The following SMIM10L2B variants were observed in gnomAD, a reference collection of about 807,000 sequenced individuals.
The protein encoded by SMIM10L2B is small integral membrane protein 10 like 2B, also known as small integral membrane protein 10-like protein 2B.
For missense variants in SMIM10L2B, 40 were observed against 58.7 expected, an observed-to-expected ratio of 0.68 and a Z score of 1.04; for synonymous variants, 28 against 30.0, an observed-to-expected ratio of 0.93 and a Z score of 0.22.
intron 1 of SMIM10L2B, among the ~76,000 whole-genome samples, chrX:135,097,337 C>T (rs1211272635): frequency 8.9e-6 from 1 of 112,707 alleles, no homozygotes; most frequent in Admixed American, 9.3e-5. Flanking sequence ...GGATGGGACT[C>T]TGGCCCTGGG....
intron 1 of SMIM10L2B, among the ~76,000 whole-genome samples, chrX:135,097,571 C>A (rs1228676701): frequency 8.9e-6 from 1 of 112,102 alleles, no homozygotes; most frequent in Non-Finnish European, 1.9e-5. Flanking sequence ...GGCAGTTTTG[C>A]CAAGGGCTGT....
intron 1 of SMIM10L2B, 140 bp downstream of exon 1, chrX:135,097,893 C>T (rs1473379518): frequency 1.8e-5 from 2 of 112,368 alleles, no homozygotes; most frequent in African/African-American, 6.5e-5. Flanking sequence ...GGCTGCCTTT[C>T]CTTTCCCCAC....
At chrX:135,097,365 G>T (rs2083450449) in intron 1 of SMIM10L2B, among the ~76,000 whole-genome samples, 1 of 112,564 alleles carries the variant, frequency 8.9e-6, no homozygotes, top group Non-Finnish European at 1.9e-5. Flanking sequence ...TGCTAGCTAC[G>T]GTCCTTAGGG....
At position 135,098,640 on chromosome X, in the gene SMIM10L2B, GGGCCCCGCGCA is replaced by G; in HGVS notation, c.-18_-8del. 1.4e-5 allele frequency: 5 copies of G among 349,139 alleles called. No individual in the cohort carries two copies. The highest frequency in any genetic ancestry group is 2.3e-5 in the Non-Finnish European group (5 of 220,412). The allele number at this position is 349,139 out of a possible 1,213,427, so 28.8% of individuals were successfully genotyped here. A position where few individuals can be genotyped will look rare whatever the true frequency, so the allele number is the denominator to read the frequency against. ...GAGCCGCCGACGCCGCCATGGGCCC[GGGCCCCGCGCA>G]GGCCCCGCCGACCGATCGACCCGCA... On this transcript the variant is annotated 5_prime_UTR_variant, in exon 1 of 2. Transcript: ENST00000433425.
rs782265658 is a variant in SMIM10L2B, at chrX:135,097,524, G to C, written c.*365-403C>G. ...GAACACGACGGACAGCAGGAGCAGG[G>C]AGAGACCAGTCCTCTGGCCCCAAAG... On this transcript the variant is annotated intron_variant, in intron 1 of 1. Coordinates refer to ENST00000433425, the MANE Select transcript of SMIM10L2B (RefSeq NM_001348255.2). Among the ~76,000 whole-genome samples the C allele has an allele frequency of 7.1e-5, 8 of 112,261 alleles. No homozygotes were observed. The East Asian group carries it at 8.4e-4, about 12-fold the overall frequency.
chrX:135,098,403 G>T lies in SMIM10L2B; in HGVS notation c.231C>A (p.Ile77=). The change falls in exon 1 of 2, where the codon ATC becomes ATA. Residue 77 remains isoleucine, a synonymous_variant. Transcript: ENST00000433425. ...VMLNVRLQVR[I]E is the part of the protein sequence containing the mutation. ...CCGCCGCCGCCGCCGGCGCTCACTC[G>T]ATCCGCACTTGCAGGCGGACGTTGA... 3.0e-6 allele frequency: 2 copies of T among 659,148 alleles called. No individual in the cohort carries two copies. The highest frequency in any genetic ancestry group is 4.3e-6 in the Non-Finnish European group (2 of 468,273). 54.3% of individuals were successfully genotyped at this position (659,148 alleles called of 1,213,427 possible).
rs2083454433 is a variant in SMIM10L2B, at chrX:135,098,153, A to G, written c.*244T>C. The G allele has an allele frequency of 4.4e-6, 1 of 225,895 alleles. No homozygotes were observed. The highest frequency in any genetic ancestry group is 7.2e-5 in the East Asian group (1 of 13,871). 18.6% of individuals were successfully genotyped at this position (225,895 alleles called of 1,213,427 possible). A position where few individuals can be genotyped will look rare whatever the true frequency, so the allele number is the denominator to read the frequency against. On this transcript the variant is annotated 3_prime_UTR_variant, in exon 1 of 2. Coordinates refer to ENST00000433425, the MANE Select transcript of SMIM10L2B (RefSeq NM_001348255.2). ...GAGCTCAGGTAGTTTCTGGAGCCCA[A>G]TTGTAGGGGCCTGTTCAGTGCATTT...
In SMIM10L2B at chrX:135,096,277, A is replaced by T. The variant is rs1476968349; in HGVS notation, c.*1209T>A. ...GAGATTCTCCTGTGTGATCCTGGGG[A>T]TGGCGGGGGGGTCGAGCTTGAGGAG... On this transcript the variant is annotated 3_prime_UTR_variant, in exon 2 of 2. Coordinates refer to ENST00000433425, the MANE Select transcript of SMIM10L2B (RefSeq NM_001348255.2). 7 of 110,369 alleles carry T rather than the reference A, an allele frequency of 6.3e-5. No homozygotes were observed. Among genetic ancestry groups the T allele is most frequent in the Non-Finnish European group, 1.1e-4 (6 of 52,834 alleles). 9.1% of individuals were successfully genotyped at this position (110,369 alleles called of 1,213,427 possible).
In SMIM10L2B at chrX:135,096,378, G is replaced by A. The variant is rs554103748; in HGVS notation, c.*1108C>T. The A allele has an allele frequency of 3.6e-5, 4 of 110,520 alleles. No individual in the cohort carries two copies. Among genetic ancestry groups the A allele is most frequent in the East Asian group, 5.8e-4 (2 of 3,464 alleles). 9.1% of individuals were successfully genotyped at this position (110,520 alleles called of 1,213,427 possible). On this transcript the variant is annotated 3_prime_UTR_variant, in exon 2 of 2. Coordinates refer to ENST00000433425, the MANE Select transcript of SMIM10L2B (RefSeq NM_001348255.2). ...ATCCCTTCACCCTCCTGGTTATGTC[G>A]TGTCTCCAGGAGCCATGACACCACC...
At position 135,098,550 on chromosome X, in the gene SMIM10L2B, C is replaced by A; in HGVS notation, c.84G>T (p.Ala28=). Reference sequence around the variant, plus strand: ...AGAAGGCGCCGTATGAGCCTCGGGCCGCCGCCGAGCGCGACAGCCGAACCG... The same window carrying A: ...AGAAGGCGCCGTATGAGCCTCGGGCAGCCGCCGAGCGCGACAGCCGAACCG... The part of the protein sequence containing the change: ...GLAVRLSRSA[A]ARGSYGAFCK... The change falls in exon 1 of 2, where the codon GCG becomes GCT. Residue 28 remains alanine (A), a synonymous_variant. Coordinates refer to ENST00000433425, the MANE Select transcript of SMIM10L2B (RefSeq NM_001348255.2). 1 of 904,410 alleles carries A rather than the reference C, an allele frequency of 1.1e-6. No homozygotes were observed. Among genetic ancestry groups the A allele is most frequent in the Non-Finnish European group, 1.5e-6 (1 of 681,733 alleles). 74.5% of individuals were successfully genotyped at this position (904,410 alleles called of 1,213,427 possible).
At chrX:135,097,430 A>C (rs1259380799) in intron 1 of SMIM10L2B, among the ~76,000 whole-genome samples, 1 of 111,647 alleles carries the variant, frequency 9.0e-6, no homozygotes, top group African/African-American at 3.3e-5. Context: ...GACGGTAGGA[A>C]TGCGTCTCTC....
rs1167842528 is a variant in SMIM10L2B, at chrX:135,098,240, C to T, written c.*157G>A. The T allele has an allele frequency of 1.1e-4, 28 of 265,094 alleles. No homozygotes were observed. The highest frequency in any genetic ancestry group is 6.8e-4 in the African/African-American group (24 of 35,262). 21.8% of individuals were successfully genotyped at this position (265,094 alleles called of 1,213,427 possible). The stretch of plus-strand genomic sequence containing the variant: ...AGGGCCAGGGCTGGGCCTTCGTGCC[C>T]GGGCGGCGTAGGTCTAGAGTCCAGG... On this transcript the variant is annotated 3_prime_UTR_variant, in exon 1 of 2. Transcript: ENST00000433425.
chrX:135,097,682 G>T (rs1214961015), intron 1 of SMIM10L2B, among the ~76,000 whole-genome samples: 2 of 112,300 alleles, frequency 1.8e-5, no homozygotes, highest in Non-Finnish European at 3.8e-5. Flanking sequence ...CCGACTGGTG[G>T]GGAAGAGAAG....
rs1419298836 is a variant in SMIM10L2B, at chrX:135,095,481, C to T, written c.*2005G>A. On this transcript the variant is annotated 3_prime_UTR_variant, in exon 2 of 2. Transcript: ENST00000433425. ...CTGAGGGTAGGGACCCCTGCAGCTC[C>T]GACACACATTTCTCCCAGTAGGGAA... 3 of 111,731 alleles carry T rather than the reference C, an allele frequency of 2.7e-5. No homozygotes were observed. Among genetic ancestry groups the T allele is most frequent in the Non-Finnish European group, 3.8e-5 (2 of 52,977 alleles). 9.2% of individuals were successfully genotyped at this position (111,731 alleles called of 1,213,427 possible). A position where few individuals can be genotyped will look rare whatever the true frequency, so the allele number is the denominator to read the frequency against.
intron 1 of SMIM10L2B, among the ~76,000 whole-genome samples, chrX:135,097,804 C>A (rs1283131934): frequency 8.9e-6 from 1 of 112,167 alleles, no homozygotes; most frequent in Non-Finnish European, 1.9e-5. Flanking sequence ...AAAGGGAGGC[C>A]GGCACTGGGG....
At position 135,098,299 on chromosome X, in the gene SMIM10L2B, G is replaced by A. The variant is rs2083455340; in HGVS notation, c.*98C>T. On this transcript the variant is annotated 3_prime_UTR_variant, in exon 1 of 2. Coordinates refer to ENST00000433425, the MANE Select transcript of SMIM10L2B (RefSeq NM_001348255.2). ...CCGCCCCACCTCCGCCCCCCGCCGC[G>A]ATCCAGCTGTCCTTCATGCCCGCGA... 2 of 275,115 alleles carry A rather than the reference G, an allele frequency of 7.3e-6. No homozygotes were observed. Among genetic ancestry groups the A allele is most frequent in the Admixed American group, 1.3e-4 (2 of 15,263 alleles). The allele number at this position is 275,115 out of a possible 1,213,427, so 22.7% of individuals were successfully genotyped here.
In SMIM10L2B at chrX:135,098,189, CG is replaced by C; in HGVS notation, c.*207del. The C allele has an allele frequency of 1.2e-5, 3 of 253,437 alleles. No homozygotes were observed. The highest frequency in any genetic ancestry group is 2.1e-5 in the Non-Finnish European group (3 of 142,257). The allele number at this position is 253,437 out of a possible 1,213,427, so 20.9% of individuals were successfully genotyped here. ...CTGTTCAGTGCATTTCTGCGCGATCCGGGGTCCCGGGCTGAGACCGCGGCCA... is the reference window on the plus strand; with the variant it reads ...CTGTTCAGTGCATTTCTGCGCGATCCGGGTCCCGGGCTGAGACCGCGGCCA... On this transcript the variant is annotated 3_prime_UTR_variant, in exon 1 of 2. Transcript: ENST00000433425.
rs1194422993 is a variant in SMIM10L2B, at chrX:135,095,051, G to A, written c.*2435C>T. On this transcript the variant is annotated 3_prime_UTR_variant, in exon 2 of 2. Transcript: ENST00000433425. ...TTAAACTTAGAGAAAACAAGAAGAC[G>A]TGACAACACCAGAAACAAGAACATC... 1.8e-5 allele frequency: 2 copies of A among 110,275 alleles called. No individual in the cohort carries two copies. The highest frequency in any genetic ancestry group is 3.3e-5 in the African/African-American group (1 of 30,187). 9.1% of individuals were successfully genotyped at this position (110,275 alleles called of 1,213,427 possible).
chrX:135,097,832 T>C (rs1353743563), intron 1 of SMIM10L2B, among the ~76,000 whole-genome samples: 5 of 111,899 alleles, frequency 4.5e-5, no homozygotes, highest in South Asian at 3.7e-4. Context: ...GGGAGGCGGC[T>C]GCCCCTCACC....
Sources: gnomAD v4.1 joint callset for allele counts (sites outside exome capture counted in the v4.1 genomes callset) on GRCh38, gnomAD v4.1.1 for gene constraint, MANE v1.5 for transcripts, NCBI Gene and HGNC (gene_info 2026-07-23, HGNC 2026-07-21) for gene names.